Variants in SAMD3 observed in about 807,000 individuals in gnomAD.
The protein encoded by SAMD3 is sterile alpha motif domain containing 3.
SAMD3 carries 63 observed loss-of-function variants against 58.5 expected under a neutral mutation model. The observed-to-expected ratio is 1.08, with a 90% confidence interval of 0.88 to 1.33. The LOEUF is 1.33. Among genes scored for constraint, SAMD3 ranks in the 40% most tolerant of loss-of-function variants. The pLI, the probability that SAMD3 is intolerant of heterozygous loss-of-function variation, is 0.00. For missense variants in SAMD3, 604 were observed against 608.4 expected, an observed-to-expected ratio of 0.99 and a Z score of 0.08; for synonymous variants, 220 against 210.3, an observed-to-expected ratio of 1.05 and a Z score of -0.40.
chr6:130,181,945 G>T (rs2114695501), intron 7 of SAMD3, among the ~76,000 whole-genome samples: 1 of 152,068 alleles, frequency 6.6e-6, no homozygotes, highest in South Asian at 2.1e-4. Context: ...GGCACCTGTA[G>T]TCCCAGCTAC....
intron 1 of SAMD3, among the ~76,000 whole-genome samples, chr6:130,355,587 G>T (rs1358242155): frequency 6.6e-6 from 1 of 152,206 alleles, no homozygotes; most frequent in East Asian, 1.9e-4. Flanking sequence ...AATGGAGGAA[G>T]GTTGTGGTCA....
intron 1 of SAMD3, among the ~76,000 whole-genome samples, chr6:130,351,253 G>C (rs1480880049): frequency 6.6e-6 from 1 of 152,152 alleles, no homozygotes; most frequent in African/African-American, 2.4e-5. Context: ...AAGAGCTTCT[G>C]CACAGCAAAA....
chr6:130,364,440 G>A (rs1778072086), intron 1 of SAMD3, among the ~76,000 whole-genome samples: 1 of 152,070 alleles, frequency 6.6e-6, no homozygotes, highest in Non-Finnish European at 1.5e-5. Context: ...GGAACCAGGA[G>A]GTGTTTCCTC....
At chr6:130,214,296 G>C in intron 4 of SAMD3, 41 bp downstream of exon 4, 1 of 1,474,064 alleles carries the variant, frequency 6.8e-7, no homozygotes, top group Non-Finnish European at 9.0e-7. Flanking sequence ...CATTGGGAAA[G>C]CTTGGGAAAA....
chr6:130,173,460 G>T (rs1453125014), intron 8 of SAMD3, among the ~76,000 whole-genome samples: 1 of 152,190 alleles, frequency 6.6e-6, no homozygotes, highest in Non-Finnish European at 1.5e-5. Flanking sequence ...GCTACAGTTT[G>T]CTGGAGGTCC....
At chr6:130,286,222 CT>C (rs1447663397) in intron 2 of SAMD3, 1 of 152,232 alleles carries the variant, frequency 6.6e-6, no homozygotes, top group Non-Finnish European at 1.5e-5. Flanking sequence ...CACCATCTGC[CT>C]TTATCTCACA....
intron 10 of SAMD3, 118 bp from the exon 11 acceptor site, chr6:130,145,540 T>C (rs918486731): frequency 6.6e-6 from 4 of 601,796 alleles, no homozygotes; most frequent in Non-Finnish European, 8.9e-6. Context: ...AAACTAGCCT[T>C]CTTAGATCAA....
At chr6:130,325,975 C>T (rs1377400239) in intron 1 of SAMD3, among the ~76,000 whole-genome samples, 1 of 152,224 alleles carries the variant, frequency 6.6e-6, no homozygotes, top group Non-Finnish European at 1.5e-5. Context: ...GTCTCCCTTA[C>T]ATGACTGCAT....
chr6:130,249,353 T>C (rs2114906974), intron 2 of SAMD3, among the ~76,000 whole-genome samples: 1 of 152,228 alleles, frequency 6.6e-6, no homozygotes, highest in African/African-American at 2.4e-5. Context: ...CTTGAATACA[T>C]CCAAAGCCTC....
chr6:130,164,479 C>T (rs1790548250), intron 8 of SAMD3, among the ~76,000 whole-genome samples: 1 of 152,094 alleles, frequency 6.6e-6, no homozygotes, highest in Non-Finnish European at 1.5e-5. Context: ...TAGCCTGATC[C>T]TCAAAAAATG....
chr6:130,271,390 G>T (rs1774558698), intron 2 of SAMD3, among the ~76,000 whole-genome samples: 1 of 151,998 alleles, frequency 6.6e-6, no homozygotes, highest in South Asian at 2.1e-4. Flanking sequence ...AATTTGATTG[G>T]GTTAAAATGT....
At chr6:130,269,550 G>T (rs1346017894) in intron 2 of SAMD3, among the ~76,000 whole-genome samples, 1 of 151,978 alleles carries the variant, frequency 6.6e-6, no homozygotes, top group Non-Finnish European at 1.5e-5. Context: ...CTAAAGGATT[G>T]GTAGTAATAT....
At chr6:130,162,140 T>C (rs1402185250) in intron 8 of SAMD3, 2 of 637,674 alleles carry the variant, frequency 3.1e-6, no homozygotes, top group South Asian at 1.8e-5. Context: ...GCGTATGCTA[T>C]GCTTCCTTTA....
intron 1 of SAMD3, among the ~76,000 whole-genome samples, chr6:130,323,320 G>A (rs2115003375): frequency 6.6e-6 from 1 of 152,266 alleles, no homozygotes; most frequent in Non-Finnish European, 1.5e-5. Context: ...TTCCCTGTGA[G>A]ATGCTCTTGG....
At chr6:130,224,373 G>A (rs922456629), upstream of SAMD3, among the ~76,000 whole-genome samples, 1 of 151,916 alleles carries the variant, frequency 6.6e-6, no homozygotes, top group African/African-American at 2.4e-5. Context: ...GCCTGAGGGT[G>A]GAGCCCTAGC....
chr6:130,223,813 CT>C (rs2114867201), upstream of SAMD3, among the ~76,000 whole-genome samples: 1 of 152,304 alleles, frequency 6.6e-6, no homozygotes, highest in African/African-American at 2.4e-5. Flanking sequence ...GTGTTTACAG[CT>C]CCAGAAGCCC....
At position 130,341,603 on chromosome 6, in the gene SAMD3, A is replaced by G. The variant is rs141341130; in HGVS notation, c.-304+23517T>C. Among the ~76,000 whole-genome samples the G allele has an allele frequency of 1.2e-3, 185 of 152,338 alleles. 1 individual carries two copies. The highest frequency in any genetic ancestry group is 4.3e-3 in the African/African-American group (177 of 41,572). On this transcript the variant is annotated intron_variant, in intron 1 of 13. Coordinates refer to the SAMD3 transcript ENST00000368134. Reference sequence around the variant, plus strand: ...ACGGCACATGCAAGGGTGTGTTTGCAGTGAGAACTTTGACAATGAGGAGTG... The same window carrying G: ...ACGGCACATGCAAGGGTGTGTTTGCGGTGAGAACTTTGACAATGAGGAGTG...
At chr6:130,166,837 C>T (rs1225777676) in intron 8 of SAMD3, among the ~76,000 whole-genome samples, 2 of 152,158 alleles carry the variant, frequency 1.3e-5, no homozygotes. Context: ...ATGCTTTATA[C>T]CTATTAGTCT....
intron 8 of SAMD3, among the ~76,000 whole-genome samples, chr6:130,156,813 C>T (rs559383373): frequency 6.6e-6 from 1 of 152,058 alleles, no homozygotes; most frequent in South Asian, 2.1e-4. Flanking sequence ...TCTACAAAAA[C>T]AATAATAAAT....
Sources: allele counts gnomAD v4.1 joint callset (sites outside exome capture counted in the v4.1 genomes callset), GRCh38; gene constraint gnomAD v4.1.1; transcripts MANE v1.5; gene names NCBI Gene and HGNC (gene_info 2026-07-23, HGNC 2026-07-21).